Variants in LDLRAD4 observed in about 807,000 individuals in gnomAD.
LDLRAD4 encodes the protein low density lipoprotein receptor class A domain containing 4.
In LDLRAD4, 5 loss-of-function variants were observed where a neutral mutation model predicts 17.0. That is an observed-to-expected ratio of 0.29 (90% CI 0.15 to 0.62). LDLRAD4 has a LOEUF of 0.62. Ranked by LOEUF, LDLRAD4 falls within the 20% of genes least tolerant of loss-of-function variation. The pLI is 0.84. For missense variants in LDLRAD4, 340 were observed against 424.7 expected (o/e 0.80, Z 1.75); for synonymous variants, 168 against 171.8 (o/e 0.98, Z 0.17).
At chr18:13,386,894 A>T (rs1375242589) in intron 1 of LDLRAD4, among the ~76,000 whole-genome samples, 1 of 4,862 alleles carries the variant, frequency 2.1e-4, no homozygotes, top group Admixed American at 3.6e-3. Flanking sequence ...TGTCATTCAT[A>T]GATAGATAGA....
chr18:13,316,413 G>C (rs2090748454), intron 1 of LDLRAD4, among the ~76,000 whole-genome samples: 1 of 152,210 alleles, frequency 6.6e-6, no homozygotes, highest in Non-Finnish European at 1.5e-5. Flanking sequence ...AACGGAATCA[G>C]ACAGAACTTG....
chr18:13,279,556 T>G (rs1430809771), intron 1 of LDLRAD4: 7 of 152,212 alleles, frequency 4.6e-5, no homozygotes, highest in African/African-American at 1.7e-4. Flanking sequence ...GAAACTTGAG[T>G]TACAACATTT....
At chr18:13,629,640 A>G (rs1419271709) in intron 4 of LDLRAD4, among the ~76,000 whole-genome samples, 1 of 152,250 alleles carries the variant, frequency 6.6e-6, no homozygotes, top group Non-Finnish European at 1.5e-5. Flanking sequence ...ATAATTTTAA[A>G]TAAAATGTAT....
At chr18:13,540,870 C>G (rs2094271990) in intron 3 of LDLRAD4, among the ~76,000 whole-genome samples, 1 of 152,192 alleles carries the variant, frequency 6.6e-6, no homozygotes, top group Non-Finnish European at 1.5e-5. Flanking sequence ...CACTTCTGGG[C>G]TTGCTGGGCA....
At chr18:13,225,127 C>T (rs1368439918) in intron 1 of LDLRAD4, among the ~76,000 whole-genome samples, 5 of 152,190 alleles carry the variant, frequency 3.3e-5, no homozygotes, top group African/African-American at 7.2e-5. Context: ...TGAGCCACTG[C>T]GCCAGGCCAA....
At chr18:13,618,721 C>A (rs2040310568) in intron 3 of LDLRAD4, among the ~76,000 whole-genome samples, 1 of 152,178 alleles carries the variant, frequency 6.6e-6, no homozygotes, top group Admixed American at 6.5e-5. Flanking sequence ...GCTATTTAAC[C>A]ACAAAATAAA....
chr18:13,400,093 C>T (rs932371116), intron 2 of LDLRAD4, among the ~76,000 whole-genome samples: 3 of 152,194 alleles, frequency 2.0e-5, no homozygotes, highest in African/African-American at 7.2e-5. Flanking sequence ...CGGTTATTGA[C>T]TTTCATTGAA....
At chr18:13,413,462 C>T (rs1003897154) in intron 2 of LDLRAD4, among the ~76,000 whole-genome samples, 2 of 152,130 alleles carry the variant, frequency 1.3e-5, no homozygotes, top group Non-Finnish European at 2.9e-5. Flanking sequence ...TTGAATTGCT[C>T]CGTTTAACCT....
At chr18:13,400,635 C>T (rs2087097534) in intron 2 of LDLRAD4, among the ~76,000 whole-genome samples, 1 of 152,166 alleles carries the variant, frequency 6.6e-6, no homozygotes. Flanking sequence ...GTGATGAGCC[C>T]AGCTATGTTC....
intron 3 of LDLRAD4, chr18:13,543,494 G>C (rs1190831264): frequency 6.6e-6 from 1 of 152,154 alleles, no homozygotes; most frequent in Non-Finnish European, 1.5e-5. Context: ...GAGTCTAAAA[G>C]GTTTTAGAAT....
chr18:13,639,272 G>A (rs2042325721), intron 4 of LDLRAD4, among the ~76,000 whole-genome samples: 1 of 152,184 alleles, frequency 6.6e-6, no homozygotes, highest in Non-Finnish European at 1.5e-5. Context: ...CCCTGAAAAT[G>A]TTCTCCATAG....
rs532364374 is a variant in LDLRAD4, at chr18:13,233,465, T to C, written c.-467+14477T>C. On this transcript the variant is annotated intron_variant, in intron 1 of 5. Transcript: ENST00000399848. ...CTCTTATTGGAAATATTCTCCATCC[T>C]GTGACCTGTTTGTCGCTGTCTCTGG... Among the ~76,000 whole-genome samples, 3 of 152,318 alleles carry C rather than the reference T, an allele frequency of 2.0e-5. No homozygotes were observed. In the South Asian group the frequency reaches 6.2e-4, roughly 32 times the overall value.
At chr18:13,505,893 T>TGATC (rs1201549688) in intron 3 of LDLRAD4, among the ~76,000 whole-genome samples, 4 of 152,166 alleles carry the variant, frequency 2.6e-5, no homozygotes, top group African/African-American at 9.7e-5. Context: ...TTGGTGAGAC[T>TGATC]GATCCCTAGT....
intron 2 of LDLRAD4, among the ~76,000 whole-genome samples, chr18:13,416,109 T>G (rs7237790): frequency 6.6e-6 from 1 of 152,158 alleles, no homozygotes; most frequent in African/African-American, 2.4e-5. Flanking sequence ...GAGTCCTCAC[T>G]CTGCTGAGTC....
chr18:13,470,753 C>T (rs1167851859), intron 3 of LDLRAD4: 1 of 151,782 alleles, frequency 6.6e-6, no homozygotes, highest in Non-Finnish European at 1.5e-5. Flanking sequence ...TTCTGCTTCC[C>T]CAGATCCCAG....
At chr18:13,618,446 A>T (rs1224688109) in intron 3 of LDLRAD4, among the ~76,000 whole-genome samples, 1 of 152,246 alleles carries the variant, frequency 6.6e-6, no homozygotes, top group Non-Finnish European at 1.5e-5. Context: ...TGAAACACAA[A>T]TATGTAAAAA....
chr18:13,333,744 A>G (rs1175455766), intron 1 of LDLRAD4, among the ~76,000 whole-genome samples: 3 of 152,136 alleles, frequency 2.0e-5, no homozygotes, highest in Non-Finnish European at 2.9e-5. Flanking sequence ...TGGAATTTCT[A>G]TTATGTTCTC....
chr18:13,374,696 A>G (rs1275208614), intron 1 of LDLRAD4, among the ~76,000 whole-genome samples: 1 of 152,150 alleles, frequency 6.6e-6, no homozygotes, highest in Non-Finnish European at 1.5e-5. Flanking sequence ...TGATTCTGCC[A>G]CCCAGCCAGG....
intron 1 of LDLRAD4, among the ~76,000 whole-genome samples, chr18:13,234,102 G>A (rs1380783462): frequency 6.6e-6 from 1 of 152,210 alleles, no homozygotes; most frequent in East Asian, 1.9e-4. Flanking sequence ...GTGCTCGTGT[G>A]TCCTCTCTCC....
Sources: allele counts gnomAD v4.1 joint callset (sites outside exome capture counted in the v4.1 genomes callset), GRCh38; gene constraint gnomAD v4.1.1; transcripts MANE v1.5; gene names NCBI Gene and HGNC (gene_info 2026-07-23, HGNC 2026-07-21).